The following CASR variants were observed in gnomAD, a reference collection of about 807,000 sequenced individuals.
The protein encoded by CASR is extracellular calcium-sensing receptor.
In CASR, 23 loss-of-function variants were observed where a neutral mutation model predicts 69.1. The observed-to-expected ratio is 0.33, with a 90% CI of 0.24 to 0.47. The LOEUF (loss-of-function observed/expected upper bound fraction) is 0.47, where lower values mean the gene tolerates loss of function less well. CASR is among the 20% of genes least tolerant of loss of function. The pLI is 1.00. For synonymous variants in CASR, 541 were observed against 544.7 expected, an observed-to-expected ratio of 0.99 and a Z score of 0.10; for missense variants, 924 against 1,356.1, an observed-to-expected ratio of 0.68 and a Z score of 5.00.
intron 3 of CASR, among the ~76,000 whole-genome samples, chr3:122,259,571 C>T (rs963128079): frequency 6.5e-5 from 9 of 137,616 alleles, no homozygotes; most frequent in African/African-American, 2.0e-4. Flanking sequence ...TACAGACCAA[C>T]GCCTTTTATG....
rs2074982767 is a variant in CASR, at chr3:122,287,746, C to G, written c.*2555C>G. ...TTCGTGGTGGTTTTCACGCATGCCT[C>G]ACTGTCCTAACCAGTCGGTCCCTGT... On this transcript the variant is annotated 3_prime_UTR_variant, in exon 7 of 7. Transcript: ENST00000639785. The G allele has an allele frequency of 1.3e-5, 2 of 152,284 alleles. No homozygotes were observed. Among genetic ancestry groups the G allele is most frequent in the Non-Finnish European group, 2.9e-5 (2 of 68,094 alleles). The allele number at this position is 152,284 out of a possible 1,614,324, so 9.4% of individuals were successfully genotyped here. A position where few individuals can be genotyped will look rare whatever the true frequency, so the allele number is the denominator to read the frequency against.
chr3:122,210,812 G>T (rs1475413688), intron 1 of CASR, among the ~76,000 whole-genome samples: 1 of 152,192 alleles, frequency 6.6e-6, no homozygotes, highest in Non-Finnish European at 1.5e-5. Flanking sequence ...AAAGCTGGAG[G>T]CATCATGCTA....
chr3:122,265,248 T>C (rs565920012), intron 4 of CASR, among the ~76,000 whole-genome samples: 2 of 152,334 alleles, frequency 1.3e-5, no homozygotes, highest in South Asian at 4.1e-4. Flanking sequence ...TAGACACTTA[T>C]TAGTTAAAAT....
intron 4 of CASR, among the ~76,000 whole-genome samples, chr3:122,270,963 T>A (rs2074750912): frequency 6.6e-6 from 1 of 152,250 alleles, no homozygotes; most frequent in African/African-American, 2.4e-5. Flanking sequence ...TAATGTATAT[T>A]CTGTTGTTGG....
At position 122,256,319 on chromosome 3, in the gene CASR, C is replaced by A. The variant is rs192572326; in HGVS notation, c.186-762C>A. On this transcript the variant is annotated intron_variant, in intron 2 of 6. Transcript: ENST00000639785. ...TCTGATCTGAGGTTATTTTTAGGCA[C>A]CCACATATTAATATCCTAATGTATT... Among the ~76,000 whole-genome samples the A allele has an allele frequency of 5.4e-4, 82 of 152,260 alleles. No individual in the cohort carries two copies. In the East Asian group the frequency reaches 0.011, roughly 21 times the overall value.
At chr3:122,237,704 T>C (rs917263735) in intron 1 of CASR, among the ~76,000 whole-genome samples, 1 of 152,160 alleles carries the variant, frequency 6.6e-6, no homozygotes, top group African/African-American at 2.4e-5. Context: ...TTTAAATACA[T>C]TTTGGGAACA....
intron 1 of CASR, among the ~76,000 whole-genome samples, chr3:122,207,991 C>T (rs2074025277): frequency 6.6e-6 from 1 of 151,824 alleles, no homozygotes; most frequent in South Asian, 2.1e-4. Context: ...CCCTTTAGGT[C>T]TAATAATAAC....
intron 5 of CASR, among the ~76,000 whole-genome samples, chr3:122,278,715 G>A (rs1024019649): frequency 4.6e-5 from 7 of 152,172 alleles, no homozygotes; most frequent in African/African-American, 1.7e-4. Flanking sequence ...ATTCTTCTAA[G>A]CCTTGACTGG....
intron 2 of CASR, among the ~76,000 whole-genome samples, chr3:122,254,603 G>T (rs1449664512): frequency 6.6e-6 from 1 of 152,056 alleles, no homozygotes; most frequent in African/African-American, 2.4e-5. Context: ...TGCATGGCCT[G>T]TTAAAGCACC....
chr3:122,229,768 A>G (rs754388059), intron 1 of CASR, among the ~76,000 whole-genome samples: 11 of 152,214 alleles, frequency 7.2e-5, no homozygotes, highest in Non-Finnish European at 1.0e-4. Flanking sequence ...AGGCTGAGGC[A>G]GGAGAATTGC....
In CASR at chr3:122,261,694, G is replaced by A. The variant is rs1202110240; in HGVS notation, c.659G>A (p.Arg220Gln). The stretch of plus-strand genomic sequence containing the variant: ...ATTGCAGCTGATGACGACTATGGGC[G>A]GCCGGGGATTGAGAAATTCCGAGAG... ...GTIAADDDYG[R>Q]PGIEKFREEA... The change falls in exon 4 of 7, where the codon CGG (arginine) becomes CAG (glutamine). Residue 220 changes from arginine to glutamine, a missense_variant. Physicochemically the swap from Arg to Gln is conservative, Grantham distance 43. Around this residue, in one of 8 missense-constraint regions of CASR, gnomAD observed 141 missense variants for 283.0 expected, o/e 0.50. Transcript: ENST00000639785. 1 of 1,614,218 alleles carries A rather than the reference G, an allele frequency of 6.2e-7. No homozygotes were observed.
In CASR at chr3:122,214,923, A is replaced by G. The variant is rs534556012; in HGVS notation, c.-243+31111A>G. 2.0e-5 allele frequency among the ~76,000 whole-genome samples: 3 copies of G among 152,328 alleles called. No individual in the cohort carries two copies. In the East Asian group the frequency reaches 5.8e-4, roughly 29 times the overall value. On this transcript the variant is annotated intron_variant, in intron 1 of 6. Coordinates refer to ENST00000639785, the MANE Select transcript of CASR (RefSeq NM_000388.4). ...TTTTCTTCAGTCATTTATTAACCACAGAAGTGTGGAATGCATCACTGAGAG... is the reference window on the plus strand; with the variant it reads ...TTTTCTTCAGTCATTTATTAACCACGGAAGTGTGGAATGCATCACTGAGAG...
At chr3:122,201,668 G>A (rs1315411640) in intron 1 of CASR, among the ~76,000 whole-genome samples, 1 of 83,758 alleles carries the variant, frequency 1.2e-5, no homozygotes, top group Non-Finnish European at 3.1e-5. Context: ...GGCTGGCCAG[G>A]CGGGGGCTGA....
intron 1 of CASR, among the ~76,000 whole-genome samples, chr3:122,206,268 G>GT (rs58014586): frequency 7.2e-4 from 108 of 149,286 alleles, no homozygotes; most frequent in South Asian, 4.0e-3. Context: ...TTTGATGAGG[G>GT]TTTTTTTTTT....
intron 3 of CASR, 58 bp downstream of exon 3, chr3:122,257,445 G>T: frequency 7.5e-7 from 1 of 1,340,386 alleles, no homozygotes; most frequent in African/African-American, 1.4e-5. Flanking sequence ...GCAGGCTTGG[G>T]GGTGCCATGC....
At chr3:122,224,842 A>G (rs1416359701) in intron 1 of CASR, among the ~76,000 whole-genome samples, 1 of 152,186 alleles carries the variant, frequency 6.6e-6, no homozygotes, top group Non-Finnish European at 1.5e-5. Flanking sequence ...ACAAAAACAG[A>G]CACATAGACC....
chr3:122,196,987 A>G (rs768529647), intron 1 of CASR, among the ~76,000 whole-genome samples: 6 of 152,132 alleles, frequency 3.9e-5, no homozygotes, highest in Non-Finnish European at 8.8e-5. Context: ...AAGATCTATT[A>G]TCTTTGCCAA....
At chr3:122,184,951 G>C (rs1413786587) in intron 1 of CASR, among the ~76,000 whole-genome samples, 1 of 152,196 alleles carries the variant, frequency 6.6e-6, no homozygotes, top group African/African-American at 2.4e-5. Context: ...TCTGGCCCCA[G>C]GGGCCGTCAG....
intron 5 of CASR, among the ~76,000 whole-genome samples, chr3:122,279,495 A>C (rs1038821994): frequency 3.9e-5 from 6 of 152,242 alleles, no homozygotes; most frequent in African/African-American, 1.4e-4. Context: ...GCAATGTATA[A>C]AATAAACATC....
Sources: gnomAD v4.1 joint callset for allele counts (sites outside exome capture counted in the v4.1 genomes callset) on GRCh38, gnomAD v4.1.1 for gene constraint, gnomAD v4.1.1 regional missense constraint, MANE v1.5 for transcripts, NCBI Gene and HGNC (gene_info 2026-07-23, HGNC 2026-07-21) for gene names.